Variants in XPO6 observed in about 807,000 individuals in gnomAD.
XPO6 encodes the protein exportin 6.
A neutral mutation model predicts 130.0 loss-of-function variants in XPO6; 3 were observed. The observed-to-expected ratio is 0.02, with a 90% CI of 0.01 to 0.06. XPO6 has a LOEUF of 0.06. XPO6 is among the 10% of genes least tolerant of loss of function. The pLI is 1.00. For synonymous variants in XPO6, 524 were observed against 548.9 expected (o/e 0.95, Z 0.63); for missense variants, 970 against 1,393.0 (o/e 0.70, Z 4.83).
chr16:28,123,744 A>G (rs1333414857), intron 13 of XPO6, among the ~76,000 whole-genome samples: 1 of 152,168 alleles, frequency 6.6e-6, no homozygotes, highest in Admixed American at 6.5e-5. Context: ...TGGTGTTTAA[A>G]TCCTGTTCTA....
intron 7 of XPO6, chr16:28,154,188 G>A: frequency 1.0e-6 from 1 of 970,728 alleles, no homozygotes; most frequent in Non-Finnish European, 1.2e-6. Flanking sequence ...GTTTTACATG[G>A]ATATTCAAAG....
chr16:28,120,113 G>A (rs888476477), intron 14 of XPO6, among the ~76,000 whole-genome samples: 1 of 152,132 alleles, frequency 6.6e-6, no homozygotes, highest in Non-Finnish European at 1.5e-5. Flanking sequence ...CCAAAATGCT[G>A]GGATTACAGG....
intron 7 of XPO6, 153 bp from the exon 8 acceptor site, chr16:28,152,938 C>G: frequency 2.2e-6 from 3 of 1,351,696 alleles, no homozygotes; most frequent in Admixed American, 3.8e-5. Flanking sequence ...ACCTACAGGA[C>G]AGGCAACCCT....
chr16:28,211,013 G>A (rs1202886735), intron 1 of XPO6, among the ~76,000 whole-genome samples: 4 of 152,230 alleles, frequency 2.6e-5, no homozygotes, highest in Admixed American at 2.6e-4. Context: ...CAGAGGGCTG[G>A]TGTGATCATT....
chr16:28,131,995 G>A (rs2042679938), intron 12 of XPO6, among the ~76,000 whole-genome samples: 1 of 152,218 alleles, frequency 6.6e-6, no homozygotes, highest in Non-Finnish European at 1.5e-5. Flanking sequence ...CAGGAAGCAA[G>A]AAAGCACAAG....
At position 28,166,541 on chromosome 16, in the gene XPO6, T is replaced by C; in HGVS notation, c.610A>G (p.Thr204Ala). 1 of 1,593,040 alleles carries C rather than the reference T, an allele frequency of 6.3e-7. No homozygotes were observed. Among genetic ancestry groups the C allele is most frequent in the Non-Finnish European group, 8.6e-7 (1 of 1,168,912 alleles). ...VWDKHSVTAA[T>A]PPPSPTSGES... ...CCTGAGGTCGGGGATGGTGGTGGAG[T>C]GGCAGCAGTAACACTGTGTTTGTCC... is the stretch of plus-strand genomic sequence containing the variant. The change falls in exon 6 of 24, where the codon ACT (threonine) becomes GCT (alanine). Residue 204 changes from threonine to alanine, a missense_variant. Thr to Ala is a moderately conservative substitution (Grantham distance 58). Transcript: ENST00000304658.
intron 1 of XPO6, among the ~76,000 whole-genome samples, chr16:28,202,529 C>T (rs1262305472): frequency 1.3e-5 from 2 of 152,086 alleles, no homozygotes; most frequent in East Asian, 1.9e-4. Context: ...GACACAGATA[C>T]GTTAGCAGCA....
chr16:28,114,086 T>A (rs1028274169), intron 15 of XPO6, among the ~76,000 whole-genome samples: 1 of 152,076 alleles, frequency 6.6e-6, no homozygotes, highest in Non-Finnish European at 1.5e-5. Context: ...GGATATAACC[T>A]TTGACTCAGT....
At chr16:28,100,139 C>T (rs893839580) in intron 23 of XPO6, among the ~76,000 whole-genome samples, 3 of 152,182 alleles carry the variant, frequency 2.0e-5, no homozygotes, top group African/African-American at 7.2e-5. Context: ...AGGCGTGTGC[C>T]ACCACACCTG....
intron 18 of XPO6, 28 bp downstream of exon 18, chr16:28,107,494 C>T: frequency 6.2e-7 from 1 of 1,613,130 alleles, no homozygotes; most frequent in East Asian, 2.2e-5. Flanking sequence ...GCACCACCCA[C>T]CAGTGGGGCC....
Position 28,101,512 on chromosome 16 carries a change from A to G in XPO6, c.3222T>C (p.Asp1074=), listed in dbSNP as rs1311509646. The G allele has an allele frequency of 1.2e-6, 2 of 1,614,110 alleles. No homozygotes were observed. The highest frequency in any genetic ancestry group is 1.3e-5 in the African/African-American group (1 of 74,938). ...CACTTTTCTGGTTGGCATCCACACC[A>G]TCACAGCTGGTCAGGAACTCTGGGA... is the stretch of plus-strand genomic sequence containing the variant. ...AFLPEFLTSC[D]GVDANQKSVL... is the part of the protein sequence containing the mutation. Residue 1074 remains aspartate, a synonymous_variant, in exon 23 of 24, where the codon GAT becomes GAC. Coordinates refer to ENST00000304658, the MANE Select transcript of XPO6 (RefSeq NM_015171.4). This position sits in a 1 kb window ranked among gnomAD's most constrained non-coding sequence, Gnocchi z 5.4.
chr16:28,167,839 T>C (rs1436499388), intron 5 of XPO6, among the ~76,000 whole-genome samples: 1 of 151,864 alleles, frequency 6.6e-6, no homozygotes, highest in African/African-American at 2.4e-5. Flanking sequence ...TCACATATTG[T>C]ATGCTTCCAT....
At position 28,112,001 on chromosome 16, in the gene XPO6, C is replaced by G. The variant is rs765014386; in HGVS notation, c.2157G>C (p.Gln719His). Reference sequence around the variant, plus strand: ...TAGAGAGGGCTCGGCACACCAACACCTGGGCCTACAAGAGACCCCAAAGGC... The same window carrying G: ...TAGAGAGGGCTCGGCACACCAACACGTGGGCCTACAAGAGACCCCAAAGGC... Reference protein sequence around the residue: ...ASALRLVDKAQVLVCRALSNI... With the variant: ...ASALRLVDKAHVLVCRALSNI... The change falls in exon 17 of 24, where the codon CAG (glutamine) becomes CAC (histidine). Residue 719 changes from glutamine to histidine, a missense_variant. Gln to His is a conservative substitution (Grantham distance 24, BLOSUM62 0). Transcript: ENST00000304658. The G allele has an allele frequency of 6.2e-7, 1 of 1,610,700 alleles. No homozygotes were observed. The highest frequency in any genetic ancestry group is 8.5e-7 in the Non-Finnish European group (1 of 1,178,308).
chr16:28,171,652 A>G (rs1465275840), intron 4 of XPO6, among the ~76,000 whole-genome samples: 1 of 152,184 alleles, frequency 6.6e-6, no homozygotes, highest in Non-Finnish European at 1.5e-5. Flanking sequence ...TGATGTGTTT[A>G]AAATGCTCTC....
At chr16:28,142,909 T>C (rs552399721) in intron 9 of XPO6, among the ~76,000 whole-genome samples, 24 of 152,172 alleles carry the variant, frequency 1.6e-4, no homozygotes, top group Admixed American at 1.6e-3. Context: ...CAGGGTCTCA[T>C]TATGTAGGCC....
intron 1 of XPO6, among the ~76,000 whole-genome samples, chr16:28,191,622 C>A (rs1288802160): frequency 6.6e-6 from 1 of 152,210 alleles, no homozygotes; most frequent in African/African-American, 2.4e-5. Context: ...CCAAAGTCAG[C>A]TAGCTGTGGG....
At chr16:28,194,257 T>A (rs2043826159) in intron 1 of XPO6, among the ~76,000 whole-genome samples, 2 of 152,132 alleles carry the variant, frequency 1.3e-5, no homozygotes, top group South Asian at 4.1e-4. Flanking sequence ...ATAAAAATCC[T>A]ACATAAAAAA....
At chr16:28,116,987 C>CCTGCACAACCA (rs1192114156) in intron 15 of XPO6, 1 of 241,378 alleles carries the variant, frequency 4.1e-6, no homozygotes, top group Non-Finnish European at 8.4e-6. Context: ...ATGAGGTGTG[C>CCTGCACAACCA]CTGCACAACC....
At chr16:28,134,933 G>C (rs771266933) in intron 10 of XPO6, among the ~76,000 whole-genome samples, 1 of 152,208 alleles carries the variant, frequency 6.6e-6, no homozygotes, top group Non-Finnish European at 1.5e-5. Flanking sequence ...GGGAGACAGA[G>C]AGGATACAGA....
Sources: allele counts gnomAD v4.1 joint callset (sites outside exome capture counted in the v4.1 genomes callset), GRCh38; gene constraint gnomAD v4.1.1; non-coding constraint Gnocchi (gnomAD v3.1); transcripts MANE v1.5; gene names NCBI Gene and HGNC (gene_info 2026-07-23, HGNC 2026-07-21).